The following AOPEP variants were observed in gnomAD, a reference collection of about 807,000 sequenced individuals.
AOPEP encodes the protein aminopeptidase O.
In AOPEP, 77 loss-of-function variants were observed where a neutral mutation model predicts 98.1. That is an observed-to-expected ratio of 0.78 (90% CI 0.65 to 0.95). The LOEUF (loss-of-function observed/expected upper bound fraction) is 0.95. Ranked by LOEUF, AOPEP falls within the 40% of genes least tolerant of loss-of-function variation. AOPEP has a pLI of 0.00. For synonymous variants in AOPEP, 346 were observed against 365.3 expected, an observed-to-expected ratio of 0.95 and a Z score of 0.60; for missense variants, 1,024 against 1,024.7, an observed-to-expected ratio of 1.00 and a Z score of 0.01.
chr9:95,022,120 C>T (rs960357354), intron 13 of AOPEP: 1 of 152,030 alleles, frequency 6.6e-6, no homozygotes, highest in African/African-American at 2.4e-5. Flanking sequence ...TGTATCAAAC[C>T]TGTTTTGAGA....
At chr9:94,914,744 G>A (rs934217867) in intron 5 of AOPEP, among the ~76,000 whole-genome samples, 2 of 152,140 alleles carry the variant, frequency 1.3e-5, no homozygotes, top group Admixed American at 1.3e-4. Context: ...GTGCAGATCA[G>A]CAGCTCTCAA....
intron 13 of AOPEP, among the ~76,000 whole-genome samples, chr9:95,024,851 A>G (rs1465572484): frequency 3.3e-5 from 5 of 151,894 alleles, no homozygotes; most frequent in South Asian, 4.2e-4. Flanking sequence ...AATAATTCCA[A>G]CCATTTCTAT....
chr9:95,005,884 A>T (rs2061974891), intron 13 of AOPEP: 1 of 553,144 alleles, frequency 1.8e-6, no homozygotes, highest in East Asian at 3.4e-5. Flanking sequence ...TTCCATTATT[A>T]TTTTAGATCA....
intron 11 of AOPEP, among the ~76,000 whole-genome samples, chr9:95,002,004 C>G (rs1319828662): frequency 2.0e-5 from 3 of 150,908 alleles, no homozygotes; most frequent in African/African-American, 4.9e-5. Context: ...GTGTTGAACT[C>G]TTAGGCTCAA....
chr9:94,785,596 G>A (rs1029683704), intron 3 of AOPEP, among the ~76,000 whole-genome samples: 1 of 152,206 alleles, frequency 6.6e-6, no homozygotes, highest in Admixed American at 6.5e-5. Context: ...GTTAAGGAGT[G>A]CTGTTTCCTC....
chr9:95,089,278 CA>C (rs2070833373), downstream of AOPEP, among the ~76,000 whole-genome samples: 1 of 152,212 alleles, frequency 6.6e-6, no homozygotes, highest in South Asian at 2.1e-4. Flanking sequence ...AGTGAAGTAT[CA>C]CATCAGAAAC....
chr9:94,999,785 T>G (rs560637407), intron 11 of AOPEP, among the ~76,000 whole-genome samples: 11 of 150,738 alleles, frequency 7.3e-5, no homozygotes, highest in South Asian at 6.3e-4. Flanking sequence ...ACAATTGGGG[T>G]GTGTGTGTGT....
chr9:95,110,738 C>A, the AOPEP span: 3 of 1,095,292 alleles, frequency 2.7e-6, no homozygotes, highest in Non-Finnish European at 3.3e-6. Flanking sequence ...CTAAGATCAG[C>A]ATAGAGCACT....
intron 5 of AOPEP, among the ~76,000 whole-genome samples, chr9:94,817,279 AT>A (rs1321799818): frequency 6.6e-6 from 1 of 152,236 alleles, no homozygotes; most frequent in Non-Finnish European, 1.5e-5. Flanking sequence ...TGCTAGGATT[AT>A]AGGCGTGAAC....
chr9:95,064,264 C>A (rs1196529586), intron 14 of AOPEP, among the ~76,000 whole-genome samples: 1 of 152,236 alleles, frequency 6.6e-6, no homozygotes, highest in Non-Finnish European at 1.5e-5. Context: ...CCTGCAGACC[C>A]TGTGTAATGG....
chr9:94,787,153 C>T (rs977478615), intron 3 of AOPEP, among the ~76,000 whole-genome samples: 1 of 152,164 alleles, frequency 6.6e-6, no homozygotes, highest in African/African-American at 2.4e-5. Context: ...TTTTATTGGA[C>T]TCACCTCAGG....
chr9:95,075,869 TCAAACAAA>T, intron 14 of AOPEP, among the ~76,000 whole-genome samples: 1 of 152,228 alleles, frequency 6.6e-6, no homozygotes, highest in South Asian at 2.1e-4. Flanking sequence ...ACACCCTGCC[TCAAACAAA>T]CAAACAAACA....
intron 11 of AOPEP, among the ~76,000 whole-genome samples, chr9:94,981,398 G>A (rs1010149526): frequency 5.3e-5 from 8 of 152,146 alleles, no homozygotes; most frequent in East Asian, 1.9e-4. Flanking sequence ...GAGGCCAACC[G>A]GCTATAAATT....
rs568192866 is a variant in AOPEP, at chr9:94,791,868, G to A, written c.965-897G>A. 8.5e-5 allele frequency among the ~76,000 whole-genome samples: 13 copies of A among 152,172 alleles called. No individual in the cohort carries two copies. In the East Asian group the frequency reaches 1.5e-3, roughly 18 times the overall value. On this transcript the variant is annotated intron_variant, in intron 3 of 16. Transcript: ENST00000375315. ...GATATAAATTCTGCTTAAGACACAC[G>A]ATTAATGTATAGCAGATGCTCGGAA...
intron 13 of AOPEP, among the ~76,000 whole-genome samples, chr9:95,011,950 A>G (rs550523622): frequency 9.2e-5 from 14 of 152,334 alleles, no homozygotes; most frequent in South Asian, 2.1e-4. Flanking sequence ...ACTTATTCAC[A>G]TATTTTAAAA....
At position 95,085,567 on chromosome 9, in the gene AOPEP, G is replaced by A. The variant is rs1166960141; in HGVS notation, c.*5-1115G>A. On this transcript the variant is annotated intron_variant, in intron 16 of 16. Transcript: ENST00000375315. The stretch of plus-strand genomic sequence containing the variant: ...AGATGGGGACAGTTAAGTTGGAGCC[G>A]CTGGGGCAGAGGCCGTTGCTGACGG... 1.3e-5 allele frequency: 6 copies of A among 471,182 alleles called. No individual in the cohort carries two copies. The East Asian group carries it at 1.7e-4, about 14-fold the overall frequency. 29.2% of individuals were successfully genotyped at this position (471,182 alleles called of 1,614,324 possible).
At chr9:94,751,081 A>G (rs1248717127) in intron 1 of AOPEP, among the ~76,000 whole-genome samples, 1 of 152,108 alleles carries the variant, frequency 6.6e-6, no homozygotes, top group Non-Finnish European at 1.5e-5. Context: ...GAAAAATTGC[A>G]ACCTCTGGCA....
At chr9:94,903,179 T>C (rs1469645044) in intron 5 of AOPEP, among the ~76,000 whole-genome samples, 5 of 151,626 alleles carry the variant, frequency 3.3e-5, no homozygotes, top group Non-Finnish European at 5.9e-5. Flanking sequence ...GACGGGGTTT[T>C]ACCATGTTGG....
the AOPEP span, among the ~76,000 whole-genome samples, chr9:95,140,331 G>GA: frequency 3.9e-5 from 6 of 152,106 alleles, no homozygotes; most frequent in Admixed American, 3.9e-4. Context: ...TTGAGATTTA[G>GA]AAAACTCTAC....
Sources: allele counts gnomAD v4.1 joint callset (sites outside exome capture counted in the v4.1 genomes callset), GRCh38; gene constraint gnomAD v4.1.1; transcripts MANE v1.5; gene names NCBI Gene and HGNC (gene_info 2026-07-23, HGNC 2026-07-21).